Variants in HMGA2 observed in about 807,000 individuals in gnomAD.
The protein encoded by HMGA2 is high mobility group protein HMGI-C.
A neutral mutation model predicts 19.1 loss-of-function variants in HMGA2; 8 were observed. The ratio of observed to expected loss-of-function variants is 0.42; its 90% confidence interval spans 0.25 to 0.76. The LOEUF is 0.76. Among genes scored for constraint, HMGA2 ranks in the 30% least tolerant of loss-of-function variants. The pLI is 0.28. For missense variants in HMGA2, 109 were observed against 136.3 expected (o/e 0.80, Z 1.00); for synonymous variants, 60 against 48.8 (o/e 1.23, Z -0.96).
chr12:65,950,086 C>T (rs1475099018), intron 3 of HMGA2, among the ~76,000 whole-genome samples: 1 of 152,146 alleles, frequency 6.6e-6, no homozygotes. Context: ...AATTGGAACT[C>T]CAGATTCATT....
At chr12:65,879,865 G>T (rs1026267682) in intron 3 of HMGA2, among the ~76,000 whole-genome samples, 3 of 152,046 alleles carry the variant, frequency 2.0e-5, no homozygotes, top group African/African-American at 7.2e-5. Context: ...ATCTCCACAG[G>T]GATTTATGTT....
At chr12:65,827,854 G>T in intron 1 of HMGA2, 147 bp from the exon 2 acceptor site, 1 of 699,784 alleles carries the variant, frequency 1.4e-6, no homozygotes, top group African/African-American at 1.7e-5. Flanking sequence ...TGTAAACTCT[G>T]TACCATCATC....
intron 3 of HMGA2, chr12:65,851,411 A>T (rs750537628): frequency 5.2e-5 from 10 of 193,830 alleles, no homozygotes; most frequent in Non-Finnish European, 8.7e-5. Flanking sequence ...GCTACTTGGG[A>T]GGCTGAAGCC....
At chr12:65,922,644 G>A (rs1875356522) in intron 3 of HMGA2, among the ~76,000 whole-genome samples, 1 of 152,170 alleles carries the variant, frequency 6.6e-6, no homozygotes, top group Non-Finnish European at 1.5e-5. Flanking sequence ...GACTTTGGGG[G>A]ACTGTTGGGA....
At chr12:65,863,739 G>A (rs1872235042) in intron 3 of HMGA2, among the ~76,000 whole-genome samples, 1 of 152,098 alleles carries the variant, frequency 6.6e-6, no homozygotes, top group Admixed American at 6.5e-5. Context: ...CACTGACTAG[G>A]GAATGTTGTC....
intron 3 of HMGA2, chr12:65,867,412 C>A (rs1397957139): frequency 1.1e-5 from 5 of 438,046 alleles, no homozygotes; most frequent in Non-Finnish European, 1.8e-5. Context: ...AACCAGCACA[C>A]TTGGAGTGTC....
rs578182008 is a variant in HMGA2, at chr12:65,849,530, A to G, written c.249+10961A>G. Among the ~76,000 whole-genome samples the G allele has an allele frequency of 2.0e-5, 3 of 152,228 alleles. No homozygotes were observed. The East Asian group carries it at 5.8e-4, about 29-fold the overall frequency. On this transcript the variant is annotated intron_variant, in intron 3 of 4. Coordinates refer to ENST00000403681, the MANE Select transcript of HMGA2 (RefSeq NM_003483.6). ...TTACAAATCAATAAATAAATCCCTT[A>G]TTCCCCTTTCATATCTTTGGACTAC...
At chr12:65,844,050 C>CAAAAAAA (rs3048828) in intron 3 of HMGA2, among the ~76,000 whole-genome samples, 5 of 79,764 alleles carry the variant, frequency 6.3e-5, no homozygotes, top group African/African-American at 1.5e-4. Context: ...GACTCCATCT[C>CAAAAAAA]AAAAAAAAAA....
At chr12:65,909,160 T>A (rs1278177663) in intron 3 of HMGA2, among the ~76,000 whole-genome samples, 1 of 152,192 alleles carries the variant, frequency 6.6e-6, no homozygotes, top group Non-Finnish European at 1.5e-5. Context: ...AGAAAGTACA[T>A]CTAAATCTCT....
intron 3 of HMGA2, 58 bp downstream of exon 3, chr12:65,838,627 A>G (rs1870844644): frequency 8.0e-7 from 1 of 1,257,610 alleles, no homozygotes; most frequent in African/African-American, 1.5e-5. Flanking sequence ...CTGTTGTATT[A>G]AATGAGAAAA....
chr12:65,827,663 T>G (rs1371847305), intron 1 of HMGA2, among the ~76,000 whole-genome samples: 5 of 152,246 alleles, frequency 3.3e-5, no homozygotes, highest in Non-Finnish European at 5.9e-5. Context: ...ATTATTCCTA[T>G]GAGTTGCCAA....
At chr12:65,881,804 C>T (rs902972979) in intron 3 of HMGA2, 14 of 702,920 alleles carry the variant, frequency 2.0e-5, no homozygotes, top group Admixed American at 1.4e-4. Flanking sequence ...ACTGGCCTTG[C>T]GCGCAAGTGG....
intron 3 of HMGA2, chr12:65,858,065 C>A (rs1325890652): frequency 6.6e-6 from 1 of 152,586 alleles, no homozygotes; most frequent in Non-Finnish European, 1.5e-5. Context: ...TGGGAGGAAC[C>A]AGTGGCCCTT....
intron 4 of HMGA2, chr12:65,953,714 G>A (rs1318212310): frequency 6.6e-6 from 1 of 152,032 alleles, no homozygotes; most frequent in Non-Finnish European, 1.5e-5. Flanking sequence ...TTCAGACTCA[G>A]AATTATAAAA....
rs3048830 is a variant in HMGA2, at chr12:65,855,699, A to AGATGATGATGAT, written c.249+17158_249+17169dup. On this transcript the variant is annotated intron_variant, in intron 3 of 4. Coordinates refer to ENST00000403681, the MANE Select transcript of HMGA2 (RefSeq NM_003483.6). ...GTGTTTGTTTAGGTAACCAGAACACAGATGATGATGATGATGATGATGATG... is the reference window on the plus strand; with the variant it reads ...GTGTTTGTTTAGGTAACCAGAACACAGATGATGATGATGATGATGATGATGATGATGATGATG... Among the ~76,000 whole-genome samples, 154 of 148,650 alleles carry AGATGATGATGAT rather than the reference A, an allele frequency of 1.0e-3. 1 individual carries two copies. The highest frequency in any genetic ancestry group is 1.3e-3 in the Admixed American group (19 of 14,784).
At chr12:65,954,087 C>T (rs1319355768) in intron 4 of HMGA2, 1 of 152,164 alleles carries the variant, frequency 6.6e-6, no homozygotes, top group East Asian at 1.9e-4. Context: ...CATCACTGGG[C>T]TAATTAATTT....
At chr12:65,884,580 C>T (rs984884461) in intron 3 of HMGA2, among the ~76,000 whole-genome samples, 4 of 152,170 alleles carry the variant, frequency 2.6e-5, no homozygotes, top group African/African-American at 9.7e-5. Flanking sequence ...GAAACTTGTA[C>T]ATTTATGCAT....
At chr12:65,843,614 C>A in intron 3 of HMGA2, 1 of 169,100 alleles carries the variant, frequency 5.9e-6, no homozygotes, top group Non-Finnish European at 1.3e-5. Flanking sequence ...GAAGCTAAAA[C>A]ATTAAGTTTT....
intron 3 of HMGA2, among the ~76,000 whole-genome samples, chr12:65,945,325 T>C (rs1443202641): frequency 4.6e-5 from 7 of 152,128 alleles, no homozygotes; most frequent in Non-Finnish European, 1.0e-4. Flanking sequence ...TTCTGGAATA[T>C]TGAAGTTTTA....
Sources: allele counts gnomAD v4.1 joint callset (sites outside exome capture counted in the v4.1 genomes callset), GRCh38; gene constraint gnomAD v4.1.1; transcripts MANE v1.5; gene names NCBI Gene and HGNC (gene_info 2026-07-23, HGNC 2026-07-21).